DHRS7B: variants seen among roughly 807,000 people sequenced by gnomAD.
DHRS7B encodes dehydrogenase/reductase 7B.
In DHRS7B, 24 loss-of-function variants were observed where a neutral mutation model predicts 26.4. The observed-to-expected ratio is 0.91, with a 90% CI of 0.66 to 1.28. The LOEUF (loss-of-function observed/expected upper bound fraction) is 1.28, where lower values mean the gene tolerates loss of function less well. DHRS7B is among the 50% of genes most tolerant of loss of function. DHRS7B has a pLI of 0.00. For synonymous variants in DHRS7B, 142 were observed against 166.4 expected, an observed-to-expected ratio of 0.85 and a Z score of 1.13; for missense variants, 368 against 419.4, an observed-to-expected ratio of 0.88 and a Z score of 1.07.
chr17:21,189,508 C>A (rs1478421674), intron 6 of DHRS7B, among the ~76,000 whole-genome samples: 2 of 152,178 alleles, frequency 1.3e-5, no homozygotes, highest in African/African-American at 4.8e-5. Context: ...GCCTGCTCAC[C>A]CCTCCAGTGC....
At chr17:21,155,545 A>G (rs950346666) in intron 1 of DHRS7B, among the ~76,000 whole-genome samples, 58 of 152,344 alleles carry the variant, frequency 3.8e-4, no homozygotes, top group African/African-American at 1.3e-3. Context: ...GGAGACTTCA[A>G]TGCTCCTTTA....
intron 3 of DHRS7B, among the ~76,000 whole-genome samples, chr17:21,179,636 G>GT (rs1974467998): frequency 6.6e-6 from 1 of 151,918 alleles, no homozygotes; most frequent in Non-Finnish European, 1.5e-5. Flanking sequence ...TCCTTTGCTT[G>GT]TTTTTTTAAT....
intron 1 of DHRS7B, among the ~76,000 whole-genome samples, chr17:21,142,888 T>C (rs1973555104): frequency 6.6e-6 from 1 of 152,190 alleles, no homozygotes; most frequent in Non-Finnish European, 1.5e-5. Flanking sequence ...GCCCAAGATA[T>C]TTTCCTTTCA....
chr17:21,155,197 T>A (rs912494969), intron 1 of DHRS7B, among the ~76,000 whole-genome samples: 1 of 152,138 alleles, frequency 6.6e-6, no homozygotes, highest in Non-Finnish European at 1.5e-5. Context: ...AAGGCAGAGA[T>A]TGTGAGAGTT....
intron 1 of DHRS7B, chr17:21,168,824 G>A (rs1393183063): frequency 7.1e-6 from 7 of 985,360 alleles, no homozygotes; most frequent in Non-Finnish European, 8.4e-6. Flanking sequence ...GGTCTCCAGG[G>A]CCAGGAGACC....
chr17:21,187,094 G>GATATATATATATATATATATATATATAT (rs147554727), intron 5 of DHRS7B, among the ~76,000 whole-genome samples: 12 of 143,118 alleles, frequency 8.4e-5, no homozygotes, highest in African/African-American at 3.1e-4. Flanking sequence ...TGTATTAAAA[G>GATATATATATATATATATATATATATAT]ATATATATAT....
chr17:21,153,448 GAA>G (rs551039252), intron 1 of DHRS7B, among the ~76,000 whole-genome samples: 61 of 152,330 alleles, frequency 4.0e-4, no homozygotes, highest in African/African-American at 1.3e-3. Context: ...ATGCCAGAAA[GAA>G]GAGAGAAAGG....
At chr17:21,184,226 G>T in intron 4 of DHRS7B, 145 bp from the exon 5 acceptor site, 1 of 691,534 alleles carries the variant, frequency 1.4e-6, no homozygotes, top group Non-Finnish European at 2.4e-6. Context: ...GAGGCTGGAA[G>T]TTCCAACATA....
chr17:21,132,539 A>AC (rs1444453724), intron 1 of DHRS7B, among the ~76,000 whole-genome samples: 39 of 148,928 alleles, frequency 2.6e-4, no homozygotes, highest in South Asian at 1.5e-3. Context: ...TCAAAAAAAA[A>AC]AAAAAAAAAA....
intron 1 of DHRS7B, among the ~76,000 whole-genome samples, chr17:21,147,297 G>T (rs1220609660): frequency 1.3e-5 from 2 of 152,068 alleles, no homozygotes; most frequent in Non-Finnish European, 2.9e-5. Flanking sequence ...GGCAGAACTT[G>T]GGGCCCTGAA....
chr17:21,145,725 C>T (rs1464170392), intron 1 of DHRS7B, among the ~76,000 whole-genome samples: 1 of 152,174 alleles, frequency 6.6e-6, no homozygotes, highest in Non-Finnish European at 1.5e-5. Flanking sequence ...TAATAAATCA[C>T]ATGAAATAAT....
chr17:21,153,084 A>G (rs558732547), intron 1 of DHRS7B, among the ~76,000 whole-genome samples: 1 of 152,376 alleles, frequency 6.6e-6, no homozygotes, highest in African/African-American at 2.4e-5. Context: ...TATGGCAGGA[A>G]TGCTGGATTT....
At chr17:21,130,222 C>T (rs1005796734) in intron 1 of DHRS7B, among the ~76,000 whole-genome samples, 7 of 152,070 alleles carry the variant, frequency 4.6e-5, no homozygotes, top group Non-Finnish European at 1.0e-4. Context: ...ACATGGCGAA[C>T]CCCGTCTCTA....
intron 1 of DHRS7B, among the ~76,000 whole-genome samples, chr17:21,138,097 T>TACACACACACACAC (rs1342290821): frequency 2.8e-3 from 244 of 87,544 alleles, no homozygotes; most frequent in Middle Eastern, 0.014. Context: ...TATATATATA[T>TACACACACACACAC]ATATACACAC....
intron 1 of DHRS7B, among the ~76,000 whole-genome samples, chr17:21,143,882 C>T (rs562813088): frequency 6.6e-6 from 1 of 152,218 alleles, no homozygotes; most frequent in African/African-American, 2.4e-5. Context: ...CTCTTTTTCA[C>T]ATCTGCTTTT....
intron 1 of DHRS7B, among the ~76,000 whole-genome samples, chr17:21,138,167 C>T (rs866489459): frequency 4.2e-4 from 59 of 141,114 alleles, no homozygotes; most frequent in Middle Eastern, 7.2e-3. Flanking sequence ...CCATTCGTGA[C>T]ATGCTTGGAC....
chr17:21,190,845 TGG>T, intron 6 of DHRS7B, 101 bp from the exon 7 acceptor site: 5 of 1,175,722 alleles, frequency 4.3e-6, no homozygotes, highest in Non-Finnish European at 6.1e-6. Flanking sequence ...AGCTTCATGG[TGG>T]GAAAGGCAGC....
At chr17:21,168,460 C>G (rs557285868) in intron 1 of DHRS7B, among the ~76,000 whole-genome samples, 12 of 152,120 alleles carry the variant, frequency 7.9e-5, no homozygotes, top group Middle Eastern at 3.4e-3. Context: ...CCTCAACTTC[C>G]TAGGCTCAAG....
At chr17:21,168,781 T>C (rs1974170627) in intron 1 of DHRS7B, 41 of 985,430 alleles carry the variant, frequency 4.2e-5, no homozygotes, top group Non-Finnish European at 4.9e-5. Flanking sequence ...ATGGATCCCA[T>C]TCACCCGGCG....
Sources: allele counts gnomAD v4.1 joint callset (sites outside exome capture counted in the v4.1 genomes callset), GRCh38; gene constraint gnomAD v4.1.1; transcripts MANE v1.5; gene names NCBI Gene and HGNC (gene_info 2026-07-23, HGNC 2026-07-21).